GPC3: variants seen among roughly 807,000 people sequenced by gnomAD.
The protein encoded by GPC3 is glypican-3.
GPC3 carries 3 observed loss-of-function variants against 34.4 expected under a neutral mutation model. That is an observed-to-expected ratio of 0.09 (90% CI 0.04 to 0.23). The LOEUF (loss-of-function observed/expected upper bound fraction) is 0.23, where lower values mean the gene tolerates loss of function less well. Ranked by LOEUF, GPC3 falls within the 10% of genes least tolerant of loss-of-function variation. GPC3 has a pLI of 1.00. For missense variants in GPC3, 351 were observed against 445.6 expected (o/e 0.79, Z 1.91); for synonymous variants, 177 against 174.0 (o/e 1.02, Z -0.13).
intron 2 of GPC3, among the ~76,000 whole-genome samples, chrX:133,855,530 G>GATAT (rs756213198): frequency 0.036 from 3,247 of 91,159 alleles, 178 homozygotes; most frequent in African/African-American, 0.13. Flanking sequence ...GCTGTTACAA[G>GATAT]ATATATATAT....
chrX:133,654,148 A>G (rs2070628252), intron 6 of GPC3, among the ~76,000 whole-genome samples: 1 of 111,549 alleles, frequency 9.0e-6, no homozygotes, highest in Non-Finnish European at 1.9e-5. Context: ...GAATTGACTG[A>G]TCAGTCAATT....
chrX:133,590,308 T>C (rs2124322883), intron 7 of GPC3, among the ~76,000 whole-genome samples: 1 of 111,385 alleles, frequency 9.0e-6, no homozygotes, highest in Admixed American at 9.6e-5. Flanking sequence ...TAAGGTATTT[T>C]GTTATAGCAG....
Position 133,897,149 on chromosome X carries a change from G to A in GPC3, c.337+55901C>T, listed in dbSNP as rs1196447364. ...TCTCGATCTCCGGACCTCATGATCCGCCCACCTTGGCCTCCTAAAGTGCTG... is the reference window on the plus strand; with the variant it reads ...TCTCGATCTCCGGACCTCATGATCCACCCACCTTGGCCTCCTAAAGTGCTG... On this transcript the variant is annotated intron_variant, in intron 2 of 7. Coordinates refer to ENST00000370818, the MANE Select transcript of GPC3 (RefSeq NM_004484.4). Among the ~76,000 whole-genome samples, 8 of 105,714 alleles carry A rather than the reference G, an allele frequency of 7.6e-5. No individual in the cohort carries two copies. In the East Asian group the frequency reaches 9.0e-4, roughly 12 times the overall value. 91.8% of individuals were successfully genotyped at this position (105,714 alleles called of 115,157 possible).
intron 2 of GPC3, among the ~76,000 whole-genome samples, chrX:133,778,376 G>A (rs2072010044): frequency 8.9e-6 from 1 of 111,881 alleles, no homozygotes. Flanking sequence ...TTCTTTGGTT[G>A]TTTATAGTTG....
chrX:133,930,758 C>G (rs1214648155), intron 2 of GPC3, among the ~76,000 whole-genome samples: 2 of 111,948 alleles, frequency 1.8e-5, no homozygotes, highest in Admixed American at 9.4e-5. Context: ...GCCTCAGCCT[C>G]CTGAGTAGCT....
At chrX:133,887,372 G>A (rs755289640) in intron 2 of GPC3, among the ~76,000 whole-genome samples, 7 of 112,458 alleles carry the variant, frequency 6.2e-5, no homozygotes, top group African/African-American at 2.3e-4. Context: ...TCTGACAGAT[G>A]TGAGGTGCTA....
At chrX:133,741,647 C>G (rs2071565274) in intron 3 of GPC3, among the ~76,000 whole-genome samples, 2 of 112,144 alleles carry the variant, frequency 1.8e-5, no homozygotes, top group Admixed American at 9.4e-5. Context: ...GCTTCCAAGT[C>G]TCTCTGTCTC....
chrX:133,824,779 A>T (rs1008241649), intron 2 of GPC3, among the ~76,000 whole-genome samples: 1 of 112,587 alleles, frequency 8.9e-6, no homozygotes, highest in Non-Finnish European at 1.9e-5. Flanking sequence ...TTAAAATTAA[A>T]AAAAAAGTTA....
intron 7 of GPC3, among the ~76,000 whole-genome samples, chrX:133,591,543 C>A (rs922828361): frequency 3.6e-5 from 4 of 111,487 alleles, no homozygotes; most frequent in Non-Finnish European, 5.6e-5. Flanking sequence ...GGCTAGGCAT[C>A]ATTTTTCCTC....
At chrX:133,861,059 A>C (rs2267513) in intron 2 of GPC3, among the ~76,000 whole-genome samples, 31,516 of 110,627 alleles carry the variant, frequency 0.28, 3,811 homozygotes, top group African/African-American at 0.44. Flanking sequence ...CATGCCACTG[A>C]ACTCCAGCCT....
At position 133,567,114 on chromosome X, in the gene GPC3, C is replaced by T. The variant is rs1026846196; in HGVS notation, c.1573+29326G>A. The stretch of plus-strand genomic sequence containing the variant: ...TGCCAGGAGGAAGCTCTAAAAAAGG[C>T]ATTCTTGTAGACAAGTACTTTCCAT... On this transcript the variant is annotated intron_variant, in intron 7 of 7. Coordinates refer to ENST00000370818, the MANE Select transcript of GPC3 (RefSeq NM_004484.4). Among the ~76,000 whole-genome samples, 36 of 111,975 alleles carry T rather than the reference C, an allele frequency of 3.2e-4. No homozygotes were observed. The Admixed American group carries it at 3.2e-3, about 10-fold the overall frequency.
chrX:133,577,931 G>A (rs916619639), intron 7 of GPC3, among the ~76,000 whole-genome samples: 2 of 111,576 alleles, frequency 1.8e-5, no homozygotes, highest in African/African-American at 6.5e-5. Flanking sequence ...CTCTCCCTTA[G>A]TGCCCTTGAT....
chrX:133,927,852 T>C (rs1440272115), intron 2 of GPC3, among the ~76,000 whole-genome samples: 2 of 107,594 alleles, frequency 1.9e-5, no homozygotes, highest in Non-Finnish European at 3.8e-5. Flanking sequence ...TACAATGTGA[T>C]GTAATAAATA....
intron 2 of GPC3, among the ~76,000 whole-genome samples, chrX:133,927,604 A>G (rs1235051653): frequency 1.8e-5 from 2 of 109,209 alleles, no homozygotes; most frequent in East Asian, 5.7e-4. Context: ...CAGCCTCCCA[A>G]GTAGCTGGGA....
chrX:133,804,274 G>A (rs942225178), intron 2 of GPC3, among the ~76,000 whole-genome samples: 3 of 111,602 alleles, frequency 2.7e-5, no homozygotes, highest in African/African-American at 9.8e-5. Context: ...TAACCTGGCT[G>A]CAAATCGGAA....
At chrX:133,874,078 A>T (rs1315445422) in intron 2 of GPC3, among the ~76,000 whole-genome samples, 1 of 111,552 alleles carries the variant, frequency 9.0e-6, no homozygotes, top group Non-Finnish European at 1.9e-5. Flanking sequence ...CACCAAAAAA[A>T]ATCACCAAAT....
chrX:133,832,151 G>T (rs1040242826), intron 2 of GPC3, among the ~76,000 whole-genome samples: 2 of 109,781 alleles, frequency 1.8e-5, no homozygotes, highest in Non-Finnish European at 3.8e-5. Flanking sequence ...GTAGTGGTAC[G>T]TGCCTATAGT....
intron 6 of GPC3, among the ~76,000 whole-genome samples, chrX:133,650,815 T>C (rs2070594222): frequency 9.0e-6 from 1 of 111,190 alleles, no homozygotes; most frequent in Non-Finnish European, 1.9e-5. Flanking sequence ...CTACCACATA[T>C]ATTATCCCTA....
chrX:133,540,915 GGTGTGTGTGTGTGTGT>G (rs369378252), intron 7 of GPC3, among the ~76,000 whole-genome samples: 3 of 91,695 alleles, frequency 3.3e-5, no homozygotes, highest in East Asian at 3.5e-4. Flanking sequence ...ACATTGTTGT[GGTGTGTGTGTGTGTGT>G]GTGTGTGTGT....
Sources: gnomAD v4.1 joint callset for allele counts (sites outside exome capture counted in the v4.1 genomes callset) on GRCh38, gnomAD v4.1.1 for gene constraint, MANE v1.5 for transcripts, NCBI Gene and HGNC (gene_info 2026-07-23, HGNC 2026-07-21) for gene names.